The following GCN1 variants were observed in gnomAD, a reference collection of about 807,000 sequenced individuals.
GCN1 encodes the protein GCN1 activator of EIF2AK4, also known as stalled ribosome sensor GCN1.
Under a neutral mutation model 288.4 loss-of-function variants are expected in GCN1, and 90 were observed. The observed-to-expected ratio is 0.31, with a 90% confidence interval of 0.26 to 0.37. The LOEUF (loss-of-function observed/expected upper bound fraction) is 0.37. Among genes scored for constraint, GCN1 ranks in the 10% least tolerant of loss-of-function variants. The probability of loss-of-function intolerance (pLI) is 1.00; values close to 1 mark genes in which losing one functional copy is unlikely to be tolerated. For synonymous variants in GCN1, 1,386 were observed against 1,420.2 expected (o/e 0.98, Z 0.54); for missense variants, 2,586 against 3,419.9 (o/e 0.76, Z 6.08).
At chr12:120,168,456 C>T in intron 15 of GCN1, 156 bp from the exon 16 acceptor site, 1 of 611,062 alleles carries the variant, frequency 1.6e-6, no homozygotes, top group Non-Finnish European at 2.9e-6. Flanking sequence ...GACCTCAGTC[C>T]TTCTGGTATC....
At chr12:120,161,057 T>A (rs1483666154) in intron 22 of GCN1, among the ~76,000 whole-genome samples, 1 of 151,816 alleles carries the variant, frequency 6.6e-6, no homozygotes, top group African/African-American at 2.4e-5. Context: ...AAGGAAAGAG[T>A]CCTGTGTGCT....
At chr12:120,184,749 T>G (rs1878768651) in intron 3 of GCN1, 75 bp downstream of exon 3, 1 of 1,092,166 alleles carries the variant, frequency 9.2e-7, no homozygotes. Context: ...GGCTCTAATC[T>G]GGGCTCTAAC....
chr12:120,154,457 T>G (rs929093112), intron 31 of GCN1, among the ~76,000 whole-genome samples: 1 of 152,214 alleles, frequency 6.6e-6, no homozygotes, highest in African/African-American at 2.4e-5. Flanking sequence ...CCCTTGCGTG[T>G]TTTGAGCCTG....
rs77695791 is a variant in GCN1 at position 120,163,210 on chromosome 12, G to A, written c.1898C>T (p.Ala633Val). 9.6e-4 allele frequency: 1,544 copies of A among 1,614,066 alleles called. 29 individuals carry two copies. The East Asian group carries it at 0.03, about 31-fold the overall frequency. Reference sequence around the variant, plus strand: ...CCGTGGAGGCACGTAGGCCTTGCCTGCCTCAGTCACCTCTCCAGCATCAGT... The same window carrying A: ...CCGTGGAGGCACGTAGGCCTTGCCTACCTCAGTCACCTCTCCAGCATCAGT... ...LVTDAGEVTE[A>V]GKAYVPPRVL... Residue 633 changes from alanine to valine, a missense_variant, in exon 19 of 58, where the codon GCA (alanine) becomes GTA (valine). Physicochemically the swap from Ala to Val is moderately conservative, Grantham distance 64 (BLOSUM62 0). Transcript: ENST00000300648.
At chr12:120,179,928 T>A (rs1396707287) in intron 5 of GCN1, among the ~76,000 whole-genome samples, 1 of 152,172 alleles carries the variant, frequency 6.6e-6, no homozygotes, top group Non-Finnish European at 1.5e-5. Flanking sequence ...AATACAGAAG[T>A]GCATCTTGAT....
Position 120,142,709 on chromosome 12 carries a change from G to A in GCN1, c.5627C>T (p.Ala1876Val), listed in dbSNP as rs1482246015. ...TAQSNKAIIT[A>V]LGVERRNRVL... Reference sequence around the variant, plus strand: ...CCGGTTCCGCCGCTCTACCCCCAGGGCAGTGATGATCGCCTGCAGCCAGTA... The same window carrying A: ...CCGGTTCCGCCGCTCTACCCCCAGGACAGTGATGATCGCCTGCAGCCAGTA... The change falls in exon 44 of 58, where the codon GCC (alanine) becomes GTC (valine). Residue 1876 changes from alanine to valine, a missense_variant. By Grantham distance (64) the Ala-to-Val change is moderately conservative. This residue lies in a region of GCN1 where 437 missense variants were observed against 570.5 expected (regional missense o/e 0.77). Coordinates refer to ENST00000300648, the MANE Select transcript of GCN1 (RefSeq NM_006836.2). The surrounding 1 kb of genome is among the most constrained non-coding windows in gnomAD (Gnocchi z 4.9). The A allele has an allele frequency of 6.2e-7, 1 of 1,614,124 alleles. No homozygotes were observed. Among genetic ancestry groups the A allele is most frequent in the East Asian group, 2.2e-5 (1 of 44,890 alleles).
At chr12:120,131,771 C>A (rs1876833078) in intron 54 of GCN1, among the ~76,000 whole-genome samples, 155 bp downstream of exon 54, 1 of 152,194 alleles carries the variant, frequency 6.6e-6, no homozygotes, top group African/African-American at 2.4e-5. Flanking sequence ...GTGCCACCAC[C>A]CCTGGCCTGG....
chr12:120,139,364 C>T (rs1416104648), intron 45 of GCN1, among the ~76,000 whole-genome samples: 1 of 152,074 alleles, frequency 6.6e-6, no homozygotes, highest in Admixed American at 6.6e-5. Context: ...CAGTGGCTCA[C>T]GCCTGTAATC....
intron 2 of GCN1, among the ~76,000 whole-genome samples, chr12:120,187,408 G>A (rs1383706225): frequency 6.6e-6 from 1 of 151,900 alleles, no homozygotes; most frequent in Non-Finnish European, 1.5e-5. Context: ...TTGACACGGG[G>A]TTTCACCATG....
At chr12:120,165,553 C>T (rs1199447927) in intron 16 of GCN1, among the ~76,000 whole-genome samples, 2 of 152,060 alleles carry the variant, frequency 1.3e-5, no homozygotes, top group Non-Finnish European at 2.9e-5. Context: ...CTACACCCTC[C>T]GCCTCCCAGG....
intron 21 of GCN1, 77 bp from the exon 22 acceptor site, chr12:120,161,660 T>G (rs545482657): frequency 1.5e-4 from 169 of 1,105,406 alleles, no homozygotes; most frequent in Admixed American, 4.1e-4. Context: ...GCCATGCAAT[T>G]CCAACTAGCT....
chr12:120,172,926 C>T (rs1878355729), intron 14 of GCN1, among the ~76,000 whole-genome samples: 2 of 152,106 alleles, frequency 1.3e-5, no homozygotes, highest in South Asian at 4.1e-4. Context: ...AGCTCCTATA[C>T]AGATTTGAAA....
chr12:120,169,276 C>CAAAAAAAAAAAAAAAAAAA (rs35819206), intron 15 of GCN1, among the ~76,000 whole-genome samples: 48 of 66,354 alleles, frequency 7.2e-4, no homozygotes, highest in Admixed American at 9.8e-4. Flanking sequence ...AACTCCGTCT[C>CAAAAAAAAAAAAAAAAAAA]AAAAAAAAAA....
In GCN1 at chr12:120,142,430, C is replaced by A; in HGVS notation, c.5829+77G>T. 1 of 1,029,802 alleles carries A rather than the reference C, an allele frequency of 9.7e-7. No individual in the cohort carries two copies. The allele number at this position is 1,029,802 out of a possible 1,614,324, so 63.8% of individuals were successfully genotyped here. On this transcript the variant is annotated intron_variant, in intron 44 of 57. Transcript: ENST00000300648. The surrounding 1 kb of genome is among the most constrained non-coding windows in gnomAD (Gnocchi z 4.9). The stretch of plus-strand genomic sequence containing the variant: ...CAGGGTGGATGGGTACTTTCCCAGG[C>A]TCTGCAGACCCAGCCTTCTAGGCTC...
chr12:120,127,829 C>T lies in GCN1; in HGVS notation c.*20G>A. On this transcript the variant is annotated 3_prime_UTR_variant, in exon 58 of 58. Transcript: ENST00000300648. ...TGAGCAAAGATGTGGAGCGGCAATG[C>T]TGCTGCTGGCCCAGGCCTCTCATGT... is the stretch of plus-strand genomic sequence containing the variant. 6.2e-7 allele frequency: 1 copy of T among 1,607,688 alleles called. No individual in the cohort carries two copies. The highest frequency in any genetic ancestry group is 8.5e-7 in the Non-Finnish European group (1 of 1,175,016).
intron 44 of GCN1, 61 bp from the exon 45 acceptor site, chr12:120,141,084 G>A: frequency 6.8e-7 from 1 of 1,464,668 alleles, no homozygotes; most frequent in Admixed American, 1.9e-5. Flanking sequence ...ACCCAGAGGA[G>A]GACTCCAGAA....
intron 14 of GCN1, among the ~76,000 whole-genome samples, chr12:120,173,206 G>A (rs1293389956): frequency 1.3e-5 from 2 of 151,868 alleles, no homozygotes; most frequent in African/African-American, 2.4e-5. Context: ...ACAGGTGCCC[G>A]CCACCATGCC....
chr12:120,193,986 G>C (rs529567598), intron 1 of GCN1, among the ~76,000 whole-genome samples: 1 of 152,166 alleles, frequency 6.6e-6, no homozygotes, highest in Non-Finnish European at 1.5e-5. Flanking sequence ...TGGAGGAAAA[G>C]GTTTTCCCAG....
intron 38 of GCN1, 120 bp downstream of exon 38, chr12:120,146,931 TA>T: frequency 1.8e-6 from 1 of 556,820 alleles, no homozygotes; most frequent in Non-Finnish European, 3.0e-6. Context: ...TTTCTCCCCA[TA>T]AAAATAATTA....
Sources: gnomAD v4.1 joint callset for allele counts (sites outside exome capture counted in the v4.1 genomes callset) on GRCh38, gnomAD v4.1.1 for gene constraint, gnomAD v4.1.1 regional missense constraint, Gnocchi (gnomAD v3.1) non-coding constraint, MANE v1.5 for transcripts, NCBI Gene and HGNC (gene_info 2026-07-23, HGNC 2026-07-21) for gene names.